The following FGF10 variants were observed in gnomAD, a reference collection of about 807,000 sequenced individuals.
The protein encoded by FGF10 is fibroblast growth factor 10.
Under a neutral mutation model 19.8 loss-of-function variants are expected in FGF10, and 2 were observed. The observed-to-expected ratio is 0.10, with a 90% CI of 0.04 to 0.32. The LOEUF is 0.32. Among genes scored for constraint, FGF10 ranks in the 10% least tolerant of loss-of-function variants. The probability of loss-of-function intolerance (pLI) is 1.00; values close to 1 mark genes in which losing one functional copy is unlikely to be tolerated. For missense variants in FGF10, 191 were observed against 246.3 expected, an observed-to-expected ratio of 0.78 and a Z score of 1.50; for synonymous variants, 112 against 94.0, an observed-to-expected ratio of 1.19 and a Z score of -1.10.
In FGF10 at chr5:44,369,000, T is replaced by C. The variant is rs1741684593; in HGVS notation, c.325+19358A>G. Reference sequence around the variant, plus strand: ...TCAATTCTTTATTAATATTTTCATATTCATGTTTCCTATGACTTTACAGGA... The same window carrying C: ...TCAATTCTTTATTAATATTTTCATACTCATGTTTCCTATGACTTTACAGGA... On this transcript the variant is annotated intron_variant, in intron 1 of 2. Coordinates refer to ENST00000264664, the MANE Select transcript of FGF10 (RefSeq NM_004465.2). Among the ~76,000 whole-genome samples, 4 of 152,278 alleles carry C rather than the reference T, an allele frequency of 2.6e-5. No homozygotes were observed. The South Asian group carries it at 8.3e-4, about 32-fold the overall frequency.
intron 1 of FGF10, among the ~76,000 whole-genome samples, chr5:44,344,348 A>T (rs149677014): frequency 9.9e-5 from 15 of 150,946 alleles, no homozygotes; most frequent in African/African-American, 3.7e-4. Context: ...ACAAACTGTT[A>T]GGAAAATAGC....
chr5:44,317,812 A>G (rs1179546780), intron 1 of FGF10, among the ~76,000 whole-genome samples: 1 of 152,070 alleles, frequency 6.6e-6, no homozygotes, highest in Non-Finnish European at 1.5e-5. Context: ...TTACTTATCA[A>G]TATTGTAATA....
intron 1 of FGF10, among the ~76,000 whole-genome samples, chr5:44,364,710 A>C (rs1295908882): frequency 1.3e-5 from 2 of 151,950 alleles, no homozygotes; most frequent in African/African-American, 4.8e-5. Flanking sequence ...TATGCTACCT[A>C]ATTGATGGCG....
At chr5:44,367,850 T>A (rs1029545943) in intron 1 of FGF10, among the ~76,000 whole-genome samples, 1 of 151,736 alleles carries the variant, frequency 6.6e-6, no homozygotes, top group Non-Finnish European at 1.5e-5. Context: ...GCTGTTTTTT[T>A]TTTTTTTAAG....
chr5:44,316,384 G>T (rs1266881981), intron 1 of FGF10, among the ~76,000 whole-genome samples: 1 of 152,160 alleles, frequency 6.6e-6, no homozygotes, highest in Non-Finnish European at 1.5e-5. Flanking sequence ...ATAGTGGCAA[G>T]TTAACCAACC....
chr5:44,364,946 C>T (rs1741571588), intron 1 of FGF10, among the ~76,000 whole-genome samples: 1 of 151,466 alleles, frequency 6.6e-6, no homozygotes, highest in East Asian at 1.9e-4. Flanking sequence ...GAAACCAAGG[C>T]AAAATGAGCT....
chr5:44,322,604 T>G (rs949440974), intron 1 of FGF10, among the ~76,000 whole-genome samples: 2 of 152,158 alleles, frequency 1.3e-5, no homozygotes, highest in African/African-American at 2.4e-5. Flanking sequence ...TAAAATATAT[T>G]TGAGACAACT....
At chr5:44,305,628 T>C (rs192998492) in intron 2 of FGF10, among the ~76,000 whole-genome samples, 2 of 152,074 alleles carry the variant, frequency 1.3e-5, no homozygotes, top group Non-Finnish European at 2.9e-5. Context: ...CTTGTCAAGT[T>C]TGCAAACTTT....
Position 44,369,626 on chromosome 5 carries a change from C to T in FGF10, c.325+18732G>A, listed in dbSNP as rs980699503. Reference sequence around the variant, plus strand: ...GCTTTTGATGAATATCATATCTTCTCTTCCCTCCCTCCAGCTTTAGCACAC... The same window carrying T: ...GCTTTTGATGAATATCATATCTTCTTTTCCCTCCCTCCAGCTTTAGCACAC... On this transcript the variant is annotated intron_variant, in intron 1 of 2. Coordinates refer to ENST00000264664, the MANE Select transcript of FGF10 (RefSeq NM_004465.2). Among the ~76,000 whole-genome samples the T allele has an allele frequency of 2.0e-5, 3 of 152,086 alleles. No homozygotes were observed. The East Asian group carries it at 5.8e-4, about 29-fold the overall frequency.
At chr5:44,346,257 C>T (rs1741088322) in intron 1 of FGF10, among the ~76,000 whole-genome samples, 1 of 151,902 alleles carries the variant, frequency 6.6e-6, no homozygotes, top group African/African-American at 2.4e-5. Flanking sequence ...TCTACAGCTC[C>T]ACTGTCAGTG....
intron 1 of FGF10, among the ~76,000 whole-genome samples, chr5:44,370,302 A>G (rs964074144): frequency 5.3e-5 from 8 of 152,120 alleles, no homozygotes; most frequent in African/African-American, 1.9e-4. Flanking sequence ...TGGGCATTCT[A>G]TCTCTAAGAA....
chr5:44,361,197 C>T (rs1741475025), intron 1 of FGF10, among the ~76,000 whole-genome samples: 1 of 151,666 alleles, frequency 6.6e-6, no homozygotes, highest in Non-Finnish European at 1.5e-5. Context: ...AGAGGGTTTG[C>T]TAGTTCAGCT....
intron 1 of FGF10, among the ~76,000 whole-genome samples, chr5:44,382,649 T>C (rs1408941963): frequency 6.6e-6 from 1 of 152,266 alleles, no homozygotes; most frequent in East Asian, 1.9e-4. Flanking sequence ...AAATGTCAAA[T>C]GTAAATTATC....
In FGF10 at chr5:44,388,492, C is replaced by T. The variant is rs201676495; in HGVS notation, c.191G>A (p.Gly64Glu). The T allele has an allele frequency of 1.2e-6, 2 of 1,614,008 alleles. No individual in the cohort carries two copies. The highest frequency in any genetic ancestry group is 1.3e-5 in the African/African-American group (1 of 74,914). The change falls in exon 1 of 3, where the codon GGA becomes GAA. Residue 64 changes from glycine to glutamate, a missense_variant. This residue lies in a region of FGF10 where 92 missense variants were observed against 84.6 expected (regional missense o/e 1.09). Coordinates refer to ENST00000264664, the MANE Select transcript of FGF10 (RefSeq NM_004465.2). ...GTGATTGTAGCTCCGCACATGCCTT[C>T]CCGCGCTGGAAGGAGAGGAGAAGGA... ...SSSFSSPSSA[G>E]RHVRSYNHLQ...
intron 1 of FGF10, among the ~76,000 whole-genome samples, chr5:44,349,363 TG>T (rs1486868888): frequency 4.2e-5 from 6 of 142,426 alleles, no homozygotes; most frequent in Admixed American, 2.8e-4. Flanking sequence ...AAGGTCTTTG[TG>T]GTCTTAATAC....
At chr5:44,340,469 G>C (rs1211115974) in intron 1 of FGF10, among the ~76,000 whole-genome samples, 1 of 152,034 alleles carries the variant, frequency 6.6e-6, no homozygotes, top group Non-Finnish European at 1.5e-5. Flanking sequence ...AATTTTGAAA[G>C]TTCAATGACA....
At position 44,381,321 on chromosome 5, in the gene FGF10, A is replaced by G. The variant is rs542215391; in HGVS notation, c.325+7037T>C. On this transcript the variant is annotated intron_variant, in intron 1 of 2. Transcript: ENST00000264664. ...CCATTGAAGATTTTTATGCAAAATA[A>G]AAACAAAACTATCAGCTTTAGATGC... 4.6e-5 allele frequency among the ~76,000 whole-genome samples: 7 copies of G among 152,342 alleles called. No homozygotes were observed. In the East Asian group the frequency reaches 1.4e-3, roughly 29 times the overall value.
At chr5:44,320,757 G>T (rs1280468565) in intron 1 of FGF10, among the ~76,000 whole-genome samples, 2 of 151,296 alleles carry the variant, frequency 1.3e-5, no homozygotes, top group Non-Finnish European at 2.9e-5. Flanking sequence ...TTGAGGTAGG[G>T]TCTCACTCTG....
intron 1 of FGF10, among the ~76,000 whole-genome samples, chr5:44,360,499 A>G (rs1302435093): frequency 6.6e-6 from 1 of 151,604 alleles, no homozygotes; most frequent in African/African-American, 2.4e-5. Context: ...CAAGGCCATC[A>G]CTTTGAATTC....
Sources: gnomAD v4.1 joint callset for allele counts (sites outside exome capture counted in the v4.1 genomes callset) on GRCh38, gnomAD v4.1.1 for gene constraint, gnomAD v4.1.1 regional missense constraint, MANE v1.5 for transcripts, NCBI Gene and HGNC (gene_info 2026-07-23, HGNC 2026-07-21) for gene names.